The following PTPRN2 variants were observed in gnomAD, a reference collection of about 807,000 sequenced individuals.
PTPRN2 encodes protein tyrosine phosphatase receptor type N2, also known as receptor-type tyrosine-protein phosphatase N2.
In PTPRN2, 74 loss-of-function variants were observed where a neutral mutation model predicts 118.8. The ratio of observed to expected loss-of-function variants is 0.62; its 90% CI spans 0.52 to 0.76. PTPRN2 has a LOEUF of 0.76. Ranked by LOEUF, PTPRN2 falls within the 30% of genes least tolerant of loss-of-function variation. The pLI is 0.00. For synonymous variants in PTPRN2, 641 were observed against 608.0 expected, an observed-to-expected ratio of 1.05 and a Z score of -0.80; for missense variants, 1,481 against 1,394.4, an observed-to-expected ratio of 1.06 and a Z score of -0.99.
At chr7:158,238,802 C>G (rs1040535773) in intron 3 of PTPRN2, among the ~76,000 whole-genome samples, 1 of 152,256 alleles carries the variant, frequency 6.6e-6, no homozygotes, top group East Asian at 1.9e-4. Flanking sequence ...GCAAGGAGGA[C>G]TCCCCTGCAA....
intron 12 of PTPRN2, among the ~76,000 whole-genome samples, chr7:157,821,864 G>T (rs1806862020): frequency 6.6e-6 from 1 of 152,034 alleles, no homozygotes; most frequent in Non-Finnish European, 1.5e-5. Context: ...TGACTAAGGG[G>T]GAGGAGGGAC....
chr7:158,513,924 C>T (rs139837543), intron 1 of PTPRN2, among the ~76,000 whole-genome samples: 3 of 152,282 alleles, frequency 2.0e-5, no homozygotes, highest in African/African-American at 7.2e-5. Flanking sequence ...TTATTCAAAG[C>T]TCAGTAAAAG....
intron 11 of PTPRN2, among the ~76,000 whole-genome samples, chr7:158,059,785 C>T (rs1293361839): frequency 2.2e-5 from 3 of 135,722 alleles, no homozygotes; most frequent in Admixed American, 1.4e-4. Flanking sequence ...TGCAGCCACA[C>T]TCCATCTGCC....
At chr7:158,319,509 CCA>C (rs1247440926) in intron 2 of PTPRN2, among the ~76,000 whole-genome samples, 2 of 37,052 alleles carry the variant, frequency 5.4e-5, no homozygotes, top group Admixed American at 2.9e-4. Context: ...CAGCCTCCCC[CCA>C]CACACACAGC....
intron 12 of PTPRN2, among the ~76,000 whole-genome samples, chr7:157,802,176 T>G (rs747704458): frequency 6.6e-6 from 1 of 152,190 alleles, no homozygotes; most frequent in Non-Finnish European, 1.5e-5. Flanking sequence ...GTACGGCAGA[T>G]GTCGAGACCG....
Position 157,632,298 on chromosome 7 carries a change from G to A in PTPRN2, c.2197-10789C>T, listed in dbSNP as rs1442382707. Among the ~76,000 whole-genome samples the A allele has an allele frequency of 6.6e-6, 1 of 152,132 alleles. No individual in the cohort carries two copies. Among genetic ancestry groups the A allele is most frequent in the African/African-American group, 2.4e-5 (1 of 41,426 alleles). ...GCGATGCGTGGAAAGGTGGCCTGGT[G>A]CACCAACGCCTGGTGATCCTCGATT... On this transcript the variant is annotated intron_variant, in intron 14 of 22. Coordinates refer to ENST00000389418, the MANE Select transcript of PTPRN2 (RefSeq NM_002847.5). This position sits in a 1 kb window ranked among gnomAD's most constrained non-coding sequence, Gnocchi z 4.3.
intron 3 of PTPRN2, among the ~76,000 whole-genome samples, chr7:158,228,141 A>T (rs554800794): frequency 6.6e-6 from 1 of 152,354 alleles, no homozygotes; most frequent in South Asian, 2.1e-4. Flanking sequence ...GAAACCAGAC[A>T]ATAAATCAGT....
At chr7:157,891,371 ACTG>A (rs1414602739) in intron 12 of PTPRN2, among the ~76,000 whole-genome samples, 1 of 151,896 alleles carries the variant, frequency 6.6e-6, no homozygotes, top group East Asian at 1.9e-4. Flanking sequence ...AGTTCTGCCC[ACTG>A]CTTGCTCCCT....
chr7:157,882,391 G>T (rs1384843707), intron 12 of PTPRN2, among the ~76,000 whole-genome samples: 1 of 145,996 alleles, frequency 6.8e-6, no homozygotes, highest in African/African-American at 2.6e-5. Flanking sequence ...TCAGAGACCA[G>T]AATACACCAC....
At chr7:157,765,982 A>G (rs1374502209) in intron 12 of PTPRN2, among the ~76,000 whole-genome samples, 2 of 138,492 alleles carry the variant, frequency 1.4e-5, no homozygotes, top group Non-Finnish European at 3.1e-5. Context: ...CCACCCACAC[A>G]CCCATCCATC....
At chr7:157,948,653 G>A (rs1800627163) in intron 11 of PTPRN2, among the ~76,000 whole-genome samples, 1 of 152,160 alleles carries the variant, frequency 6.6e-6, no homozygotes, top group Non-Finnish European at 1.5e-5. Context: ...TTAAAAGAGA[G>A]ACTGACAGAA....
intron 12 of PTPRN2, among the ~76,000 whole-genome samples, chr7:157,883,077 T>G (rs1385875692): frequency 6.9e-6 from 1 of 144,452 alleles, no homozygotes; most frequent in East Asian, 2.1e-4. Context: ...ATGACTGTTG[T>G]TGGAGACCAG....
At chr7:158,522,365 G>T in intron 1 of PTPRN2, among the ~76,000 whole-genome samples, 1 of 44,002 alleles carries the variant, frequency 2.3e-5, no homozygotes, top group Admixed American at 2.2e-4. Flanking sequence ...CTGTCCAGGT[G>T]CTGGCTCGGG....
chr7:158,182,810 G>T (rs78723020), intron 5 of PTPRN2, among the ~76,000 whole-genome samples: 5,745 of 152,172 alleles, frequency 0.038, 383 homozygotes, highest in African/African-American at 0.13. Flanking sequence ...AGATCCATTT[G>T]TTCTAGAGTG....
At chr7:157,737,756 G>A (rs1800388775) in intron 12 of PTPRN2, among the ~76,000 whole-genome samples, 1 of 152,244 alleles carries the variant, frequency 6.6e-6, no homozygotes, top group African/African-American at 2.4e-5. Flanking sequence ...GGTGCCGGCT[G>A]GGGCGCCAGC....
rs73512208 is a variant in PTPRN2 at position 158,563,575 on chromosome 7, C to G, written c.112+23983G>C. ...ACACAGCATTCAGATGCTCCCAGCC[C>G]ACCCCGATGGGAGTGTTGGATGAAG... is the stretch of plus-strand genomic sequence containing the variant. On this transcript the variant is annotated intron_variant, in intron 1 of 22. Transcript: ENST00000389418. This position sits in a 1 kb window ranked among gnomAD's most constrained non-coding sequence, Gnocchi z 5.1. Among the ~76,000 whole-genome samples the G allele has an allele frequency of 8.3e-3, 1,261 of 152,322 alleles. 19 individuals are homozygous for G. Among genetic ancestry groups the G allele is most frequent in the African/African-American group, 0.028 (1,168 of 41,570 alleles).
chr7:158,259,815 T>C (rs1797272009), intron 3 of PTPRN2, among the ~76,000 whole-genome samples: 1 of 147,748 alleles, frequency 6.8e-6, no homozygotes. Context: ...CACGTGTCCC[T>C]TTGTGTACAC....
chr7:157,681,383 G>A (rs1331700617), intron 13 of PTPRN2, among the ~76,000 whole-genome samples: 1 of 152,148 alleles, frequency 6.6e-6, no homozygotes, highest in East Asian at 1.9e-4. Flanking sequence ...TTTTCAGGCT[G>A]CTTCTTCAAA....
chr7:157,597,984 A>G (rs1178164735), intron 16 of PTPRN2, among the ~76,000 whole-genome samples: 1 of 152,264 alleles, frequency 6.6e-6, no homozygotes, highest in African/African-American at 2.4e-5. Flanking sequence ...GCAACTGCAA[A>G]GGCCACAGGC....
Sources: gnomAD v4.1 joint callset for allele counts (sites outside exome capture counted in the v4.1 genomes callset) on GRCh38, gnomAD v4.1.1 for gene constraint, Gnocchi (gnomAD v3.1) non-coding constraint, MANE v1.5 for transcripts, NCBI Gene and HGNC (gene_info 2026-07-23, HGNC 2026-07-21) for gene names.